COMMD5: variants seen among roughly 807,000 people sequenced by gnomAD.
COMMD5 encodes the protein COMM domain-containing protein 5.
In COMMD5, 10 loss-of-function variants were observed where a neutral mutation model predicts 6.9. That is an observed-to-expected ratio of 1.44 (90% CI 0.89 to 2.45). The LOEUF (loss-of-function observed/expected upper bound fraction) is 2.45, where lower values mean the gene tolerates loss of function less well. COMMD5 is among the 30% of genes most tolerant of loss of function. COMMD5 has a pLI of 0.00. For missense variants in COMMD5, 234 were observed against 287.8 expected, an observed-to-expected ratio of 0.81 and a Z score of 1.35; for synonymous variants, 127 against 125.3, an observed-to-expected ratio of 1.01 and a Z score of -0.09.
At position 144,842,029 on chromosome 8, in the gene COMMD5, T is replaced by C. The variant is rs1239313432; in HGVS notation, c.*117-286A>G. ...CCACACTGGGGAGAAGCCCTACAGA[T>C]GTGAGGAATGTGGAAAAGCTTTTGG... is the stretch of plus-strand genomic sequence containing the variant. On this transcript the variant is annotated intron_variant and NMD_transcript_variant, in intron 1 of 1. Transcript: ENST00000530332. 4.3e-6 allele frequency: 7 copies of C among 1,614,164 alleles called. No homozygotes were observed. Among genetic ancestry groups the C allele is most frequent in the East Asian group, 2.2e-5 (1 of 44,886 alleles).
chr8:144,844,889 A>C (rs1423133819), intron 1 of COMMD5, among the ~76,000 whole-genome samples: 1 of 151,572 alleles, frequency 6.6e-6, no homozygotes, highest in African/African-American at 2.4e-5. Context: ...AAGAAGGTGG[A>C]GAGGGAGTGG....
At position 144,850,539 on chromosome 8, in the gene COMMD5, A is replaced by C. The variant is rs1190314738; in HGVS notation, c.*125T>G. ...ACAGAAAACTACATAATTACGTTCA[A>C]ACACTCACTGAAGAGCCTGCCTCAT... On this transcript the variant is annotated 3_prime_UTR_variant, in exon 2 of 2. Coordinates refer to ENST00000305103, the MANE Select transcript of COMMD5 (RefSeq NM_014066.4). The surrounding 1 kb of genome is among the most constrained non-coding windows in gnomAD (Gnocchi z 4.0). 52 of 997,470 alleles carry C rather than the reference A, an allele frequency of 5.2e-5. No homozygotes were observed. The highest frequency in any genetic ancestry group is 8.2e-5 in the African/African-American group (5 of 61,076). The allele number at this position is 997,470 out of a possible 1,614,324, so 61.8% of individuals were successfully genotyped here. A position where few individuals can be genotyped will look rare whatever the true frequency, so the allele number is the denominator to read the frequency against.
downstream of COMMD5, chr8:144,846,099 T>G (rs1292206780): frequency 3.3e-5 from 50 of 1,535,906 alleles, no homozygotes; most frequent in Admixed American, 5.9e-5. Flanking sequence ...CCTCCTGGGC[T>G]CTCGTCATCT....
At chr8:144,841,792 C>CA in intron 1 of COMMD5, 4 of 1,613,978 alleles carry the variant, frequency 2.5e-6, no homozygotes, top group Non-Finnish European at 3.4e-6. Flanking sequence ...TCAAGAATGC[C>CA]AAAAAAAGTT....
At chr8:144,846,095 G>A (rs772282577), downstream of COMMD5, 5 of 1,536,084 alleles carry the variant, frequency 3.3e-6, no homozygotes, top group South Asian at 5.9e-5. Context: ...GCCTCCTCCT[G>A]GGCTCTCGTC....
intron 1 of COMMD5, chr8:144,841,903 A>AATC: frequency 2.5e-6 from 4 of 1,614,124 alleles, no homozygotes; most frequent in Non-Finnish European, 3.4e-6. Context: ...CTCGCAGCTT[A>AATC]ATCAGCATCA....
intron 1 of COMMD5, chr8:144,843,092 A>T: frequency 6.2e-7 from 1 of 1,613,010 alleles, no homozygotes; most frequent in Non-Finnish European, 8.5e-7. Flanking sequence ...GAGAAGCCTT[A>T]TAAATGCAAT....
At chr8:144,846,311 CAG>C (rs1236020703), downstream of COMMD5, 9 of 858,316 alleles carry the variant, frequency 1.0e-5, no homozygotes, top group African/African-American at 1.4e-4. Flanking sequence ...GGTCCTAAGT[CAG>C]GGGCTGGCAA....
intron 1 of COMMD5, chr8:144,842,997 A>G (rs754477142): frequency 1.6e-5 from 26 of 1,614,092 alleles, no homozygotes; most frequent in Non-Finnish European, 2.0e-5. Flanking sequence ...TTAATACTAT[A>G]AAGAAACTGC....
At chr8:144,842,719 A>G (rs769377377) in intron 1 of COMMD5, 1 of 1,613,978 alleles carries the variant, frequency 6.2e-7, no homozygotes, top group South Asian at 1.1e-5. Context: ...CAGTATGAGC[A>G]CACAGCTTAC....
intron 1 of COMMD5, chr8:144,841,749 T>G (rs770258179): frequency 1.2e-6 from 2 of 1,613,980 alleles, no homozygotes; most frequent in East Asian, 4.5e-5. Context: ...TCGCTCTGCA[T>G]TGGGAAATTA....
In COMMD5 at chr8:144,850,789, C is replaced by G. The variant is rs767066448; in HGVS notation, c.550G>C (p.Asp184His). ...PSVLMQLKLS[D>H]GSAYRFEVPT... ...ACCTCAAAGCGGTATGCTGACCCATCTGAAAGCTTCAGCTGCATCAGGACG... is the reference window on the plus strand; with the variant it reads ...ACCTCAAAGCGGTATGCTGACCCATGTGAAAGCTTCAGCTGCATCAGGACG... Residue 184 changes from aspartate to histidine, a missense_variant, in exon 2 of 2, where the codon GAT (aspartate) becomes CAT (histidine). Physicochemically the swap from Asp to His is moderately conservative, Grantham distance 81. Coordinates refer to ENST00000305103, the MANE Select transcript of COMMD5 (RefSeq NM_014066.4). The surrounding 1 kb of genome is among the most constrained non-coding windows in gnomAD (Gnocchi z 4.0). 73 of 1,614,026 alleles carry G rather than the reference C, an allele frequency of 4.5e-5. No homozygotes were observed. Among genetic ancestry groups the G allele is most frequent in the Non-Finnish European group, 6.1e-5 (72 of 1,180,056 alleles).
At chr8:144,841,088 G>GT (rs1451650423) in exon 2 of COMMD5, 2 of 448,418 alleles carry the variant, frequency 4.5e-6, no homozygotes, top group Admixed American at 7.8e-5. Flanking sequence ...ACCAGTGCCT[G>GT]TAGGATGGAC....
intron 1 of COMMD5, chr8:144,843,101 A>G (rs1380592362): frequency 2.5e-5 from 40 of 1,612,810 alleles, no homozygotes; most frequent in African/African-American, 6.7e-5. Context: ...TATAAATGCA[A>G]TGACTGTGGC....
At position 144,841,261 on chromosome 8, in the gene COMMD5, C is replaced by T. The variant is rs947624527; in HGVS notation, c.*599G>A. 9.2e-6 allele frequency: 12 copies of T among 1,310,802 alleles called. No individual in the cohort carries two copies. In the South Asian group the frequency reaches 1.6e-4, roughly 17 times the overall value. 81.2% of individuals were successfully genotyped at this position (1,310,802 alleles called of 1,614,324 possible). ...GCCTCACAGTGCTCAGTGCAACTAT[C>T]CTGGGAGCCTTGAGCCCTGGCCCCC... On this transcript the variant is annotated 3_prime_UTR_variant and NMD_transcript_variant, in exon 2 of 2. Coordinates refer to the COMMD5 transcript ENST00000530332.
At chr8:144,845,835 C>A, downstream of COMMD5, 1 of 761,772 alleles carries the variant, frequency 1.3e-6, no homozygotes, top group Non-Finnish European at 2.1e-6. Flanking sequence ...CACACCGGAA[C>A]TTCTGTGCAC....
At chr8:144,844,164 G>A (rs2130744034) in intron 1 of COMMD5, among the ~76,000 whole-genome samples, 1 of 152,286 alleles carries the variant, frequency 6.6e-6, no homozygotes, top group African/African-American at 2.4e-5. Context: ...AGCCTTATTT[G>A]TGTATCTGAA....
chr8:144,843,834 T>C (rs1028399713), intron 1 of COMMD5: 7 of 152,172 alleles, frequency 4.6e-5, no homozygotes, highest in African/African-American at 1.7e-4. Flanking sequence ...TGGCTCACAC[T>C]GGCTTCAACA....
At chr8:144,842,564 A>AGC (rs1260138389) in intron 1 of COMMD5, 2 of 1,614,194 alleles carry the variant, frequency 1.2e-6, no homozygotes, top group Non-Finnish European at 1.7e-6. Flanking sequence ...CACCTTATTC[A>AGC]GCATCAGCGA....
Sources: gnomAD v4.1 joint callset for allele counts (sites outside exome capture counted in the v4.1 genomes callset) on GRCh38, gnomAD v4.1.1 for gene constraint, Gnocchi (gnomAD v3.1) non-coding constraint, MANE v1.5 for transcripts, NCBI Gene and HGNC (gene_info 2026-07-23, HGNC 2026-07-21) for gene names.